Variants in RAB2A observed in about 807,000 individuals in gnomAD.
The protein encoded by RAB2A is RAB2A, member RAS oncogene family, also known as ras-related protein Rab-2A.
RAB2A carries 7 observed loss-of-function variants against 32.5 expected under a neutral mutation model. The ratio of observed to expected loss-of-function variants is 0.22; its 90% CI spans 0.12 to 0.40. The LOEUF is 0.40. Ranked by LOEUF, RAB2A falls within the 10% of genes least tolerant of loss-of-function variation. The pLI is 1.00. For missense variants in RAB2A, 108 were observed against 260.7 expected (o/e 0.41, Z 4.03); for synonymous variants, 79 against 85.2 (o/e 0.93, Z 0.40).
intron 1 of RAB2A, among the ~76,000 whole-genome samples, chr8:60,521,176 G>A (rs1251181998): frequency 6.6e-6 from 1 of 152,202 alleles, no homozygotes; most frequent in Non-Finnish European, 1.5e-5. Context: ...TTAGATGCCA[G>A]GGTACACCAT....
chr8:60,599,819 G>GA (rs56227393), intron 6 of RAB2A, among the ~76,000 whole-genome samples: 22,524 of 149,828 alleles, frequency 0.15, 1,802 homozygotes, highest in East Asian at 0.26. Flanking sequence ...TCTTTTAGGG[G>GA]AAAAAAAAAG....
intron 6 of RAB2A, among the ~76,000 whole-genome samples, chr8:60,600,152 T>TTTGTAG (rs1804108945): frequency 6.6e-6 from 1 of 150,392 alleles, no homozygotes; most frequent in Non-Finnish European, 1.5e-5. Context: ...AAATGGCAAA[T>TTTGTAG]AAGCACTAAA....
chr8:60,585,254 A>C (rs1408406111), intron 5 of RAB2A, among the ~76,000 whole-genome samples: 1 of 151,658 alleles, frequency 6.6e-6, no homozygotes, highest in African/African-American at 2.4e-5. Flanking sequence ...AGAAAATATT[A>C]GTATTTTCAA....
At chr8:60,537,208 G>T (rs147088309) in intron 1 of RAB2A, among the ~76,000 whole-genome samples, 5 of 152,106 alleles carry the variant, frequency 3.3e-5, no homozygotes, top group African/African-American at 4.8e-5. Context: ...TATTCTAATC[G>T]TATAAATATT....
Position 60,607,408 on chromosome 8 carries a change from G to A in RAB2A, c.475-11172G>A, listed in dbSNP as rs567526233. On this transcript the variant is annotated intron_variant, in intron 6 of 7. Transcript: ENST00000262646. ...CGCGCCACTGCACTCCAGCCTGGGCGACAGAGCGAGACTCCATCTCAAAAA... is the reference window on the plus strand; with the variant it reads ...CGCGCCACTGCACTCCAGCCTGGGCAACAGAGCGAGACTCCATCTCAAAAA... 5.1e-4 allele frequency among the ~76,000 whole-genome samples: 65 copies of A among 128,240 alleles called. No individual in the cohort carries two copies. In the East Asian group the frequency reaches 0.012, roughly 23 times the overall value. 84.1% of individuals were successfully genotyped at this position (128,240 alleles called of 152,430 possible).
At chr8:60,538,306 T>C (rs1225465473) in intron 1 of RAB2A, among the ~76,000 whole-genome samples, 2 of 152,218 alleles carry the variant, frequency 1.3e-5, no homozygotes, top group South Asian at 2.1e-4. Flanking sequence ...CTTTACCAAA[T>C]TAAATTTGGC....
intron 1 of RAB2A, among the ~76,000 whole-genome samples, chr8:60,522,131 C>G (rs10504313): frequency 0.082 from 12,465 of 152,090 alleles, 1,556 homozygotes; most frequent in African/African-American, 0.27. Context: ...AGTAGGCTAA[C>G]AAGGAATAAT....
At chr8:60,555,810 A>G (rs1365639092) in intron 1 of RAB2A, among the ~76,000 whole-genome samples, 1 of 152,236 alleles carries the variant, frequency 6.6e-6, no homozygotes, top group Non-Finnish European at 1.5e-5. Context: ...TCCAAGAACT[A>G]AAAACAAAAC....
intron 1 of RAB2A, among the ~76,000 whole-genome samples, chr8:60,519,765 TAA>T (rs1807273219): frequency 6.6e-6 from 1 of 152,016 alleles, no homozygotes; most frequent in Admixed American, 6.6e-5. Flanking sequence ...TATATTTAAC[TAA>T]TAAGAGAGGA....
intron 2 of RAB2A, among the ~76,000 whole-genome samples, chr8:60,570,260 C>G (rs1808177973): frequency 6.6e-6 from 1 of 152,118 alleles, no homozygotes; most frequent in Non-Finnish European, 1.5e-5. Flanking sequence ...GCTTAAAAGC[C>G]AACCCATCCC....
At chr8:60,614,846 T>C (rs1050317407) in intron 6 of RAB2A, among the ~76,000 whole-genome samples, 2 of 152,028 alleles carry the variant, frequency 1.3e-5, no homozygotes, top group African/African-American at 2.4e-5. Flanking sequence ...GCAGTTAAAG[T>C]CTGGGGGAAA....
chr8:60,581,255 A>G (rs575824889), intron 3 of RAB2A, among the ~76,000 whole-genome samples: 20 of 152,350 alleles, frequency 1.3e-4, no homozygotes, highest in Middle Eastern at 6.8e-3. Flanking sequence ...GGGATGCTCA[A>G]CTGATAAGTA....
chr8:60,516,990 G>T lies in RAB2A; in HGVS notation c.-218G>T. The T allele has an allele frequency of 2.2e-6, 1 of 449,134 alleles. No individual in the cohort carries two copies. Among genetic ancestry groups the T allele is most frequent in the Non-Finnish European group, 4.0e-6 (1 of 252,748 alleles). The allele number at this position is 449,134 out of a possible 1,614,324, so 27.8% of individuals were successfully genotyped here. ...CGGAGGCGCCGCGGCGGCTGTTATT[G>T]TTCGGCTGGGCTCGGTCGGGCGCTG... is the stretch of plus-strand genomic sequence containing the variant. On this transcript the variant is annotated 5_prime_UTR_variant, in exon 1 of 8. Transcript: ENST00000262646.
At chr8:60,568,292 A>G (rs1178957239) in intron 2 of RAB2A, among the ~76,000 whole-genome samples, 1 of 152,234 alleles carries the variant, frequency 6.6e-6, no homozygotes, top group Non-Finnish European at 1.5e-5. Context: ...TTACCTAGGT[A>G]AGGAGCCACA....
intron 1 of RAB2A, among the ~76,000 whole-genome samples, chr8:60,531,572 G>C (rs1332665048): frequency 6.6e-6 from 1 of 152,146 alleles, no homozygotes; most frequent in African/African-American, 2.4e-5. Flanking sequence ...ATTTAGTGGG[G>C]TTGGTCTTGC....
chr8:60,565,706 T>A (rs1808101527), intron 2 of RAB2A, among the ~76,000 whole-genome samples: 5 of 40,154 alleles, frequency 1.2e-4, no homozygotes, highest in African/African-American at 8.4e-4. Flanking sequence ...TTTTTTTTTT[T>A]TTTTTTTTTT....
rs1039846626 is a variant in RAB2A, at chr8:60,539,924, T to C, written c.47-18928T>C. ...TCCAGTTTAACTTTAGTATGGACCC[T>C]GTGTCAGGCTGTTATGAGAAATAAG... On this transcript the variant is annotated intron_variant, in intron 1 of 7. Coordinates refer to ENST00000262646, the MANE Select transcript of RAB2A (RefSeq NM_002865.3). Among the ~76,000 whole-genome samples, 4 of 152,142 alleles carry C rather than the reference T, an allele frequency of 2.6e-5. No homozygotes were observed. In the South Asian group the frequency reaches 6.2e-4, roughly 24 times the overall value.
At chr8:60,562,317 A>G (rs563495767) in intron 2 of RAB2A, among the ~76,000 whole-genome samples, 31 of 150,198 alleles carry the variant, frequency 2.1e-4, no homozygotes, top group Non-Finnish European at 4.3e-4. Context: ...TCCATTGTTC[A>G]TAATCAGGAT....
intron 1 of RAB2A, among the ~76,000 whole-genome samples, chr8:60,521,724 G>A (rs1378232554): frequency 1.3e-5 from 2 of 152,140 alleles, no homozygotes; most frequent in Admixed American, 6.6e-5. Context: ...AGGTTCAAGC[G>A]ATTCTCCTGC....
Sources: gnomAD v4.1 joint callset for allele counts (sites outside exome capture counted in the v4.1 genomes callset) on GRCh38, gnomAD v4.1.1 for gene constraint, MANE v1.5 for transcripts, NCBI Gene and HGNC (gene_info 2026-07-23, HGNC 2026-07-21) for gene names.